The following CUL1 variants were observed in gnomAD, a reference collection of about 807,000 sequenced individuals.
CUL1 encodes the protein cullin-1.
Under a neutral mutation model 118.0 loss-of-function variants are expected in CUL1, and 24 were observed. The observed-to-expected ratio is 0.20, with a 90% CI of 0.15 to 0.29. CUL1 has a LOEUF of 0.29. Among genes scored for constraint, CUL1 ranks in the 10% least tolerant of loss-of-function variants. CUL1 has a pLI of 1.00. For missense variants in CUL1, 361 were observed against 933.8 expected (o/e 0.39, Z 7.99); for synonymous variants, 332 against 340.4 (o/e 0.98, Z 0.27).
At chr7:148,750,067 G>A (rs561794957) in intron 2 of CUL1, among the ~76,000 whole-genome samples, 3 of 152,350 alleles carry the variant, frequency 2.0e-5, no homozygotes, top group South Asian at 2.1e-4. Context: ...GCTGGGAGAA[G>A]TGAGGAAGCT....
At chr7:148,768,441 G>C (rs1396263020) in intron 9 of CUL1, among the ~76,000 whole-genome samples, 3 of 136,158 alleles carry the variant, frequency 2.2e-5, no homozygotes, top group Non-Finnish European at 4.6e-5. Context: ...CTGGAGTGCA[G>C]TTGTGCCATC....
intron 17 of CUL1, among the ~76,000 whole-genome samples, chr7:148,795,069 G>A (rs941322359): frequency 1.3e-5 from 2 of 152,124 alleles, no homozygotes; most frequent in Non-Finnish European, 2.9e-5. Flanking sequence ...CTGACCTCAA[G>A]TGATCTGCCT....
intron 9 of CUL1, 67 bp downstream of exon 9, chr7:148,767,816 T>C: frequency 1.2e-5 from 17 of 1,469,152 alleles, no homozygotes; most frequent in Non-Finnish European, 1.6e-5. Flanking sequence ...AAGCATATGT[T>C]ATGCGTCTCT....
chr7:148,708,073 A>T (rs142722729), intron 1 of CUL1, among the ~76,000 whole-genome samples: 207 of 152,210 alleles, frequency 1.4e-3, no homozygotes, highest in African/African-American at 4.6e-3. Context: ...GTTCCAGTTC[A>T]TCTTATCTTT....
chr7:148,735,710 C>T (rs1798915539), intron 2 of CUL1, among the ~76,000 whole-genome samples: 1 of 152,124 alleles, frequency 6.6e-6, no homozygotes, highest in African/African-American at 2.4e-5. Flanking sequence ...TCAAATGAAC[C>T]TAAACATAGA....
At chr7:148,784,199 A>C (rs535801980) in intron 11 of CUL1, 122 bp downstream of exon 11, 1 of 774,968 alleles carries the variant, frequency 1.3e-6, no homozygotes, top group South Asian at 1.7e-5. Context: ...CTTATGAGAA[A>C]AATGCTTAAA....
chr7:148,759,408 C>T (rs999977715), intron 5 of CUL1, 54 bp downstream of exon 5: 36 of 1,580,882 alleles, frequency 2.3e-5, no homozygotes, highest in Admixed American at 5.0e-5. Context: ...TTCGCAGTTT[C>T]GTTGCTTAGC....
chr7:148,722,563 G>A (rs1412414595), intron 1 of CUL1, among the ~76,000 whole-genome samples: 1 of 152,212 alleles, frequency 6.6e-6, no homozygotes, highest in Non-Finnish European at 1.5e-5. Context: ...CGGGTTGACA[G>A]CCGTAGACCC....
At chr7:148,795,769 CAAA>C (rs915978562) in intron 17 of CUL1, among the ~76,000 whole-genome samples, 10 of 56,080 alleles carry the variant, frequency 1.8e-4, no homozygotes, top group African/African-American at 3.2e-4. Flanking sequence ...GACTCTGTCT[CAAA>C]AAAAAAAAAA....
intron 21 of CUL1, among the ~76,000 whole-genome samples, chr7:148,799,980 C>G (rs1801332351): frequency 6.6e-6 from 1 of 152,168 alleles, no homozygotes; most frequent in South Asian, 2.1e-4. Flanking sequence ...CAGGACTTTC[C>G]TTTTCCTAAA....
At chr7:148,707,064 G>C (rs1797908130) in intron 1 of CUL1, among the ~76,000 whole-genome samples, 1 of 151,952 alleles carries the variant, frequency 6.6e-6, no homozygotes, top group Admixed American at 6.6e-5. Context: ...TATATTAAAA[G>C]GTCCACTCCT....
chr7:148,714,862 A>G (rs1231483978), intron 1 of CUL1, among the ~76,000 whole-genome samples: 2 of 152,100 alleles, frequency 1.3e-5, no homozygotes, highest in Admixed American at 6.5e-5. Context: ...AGTAAGTATC[A>G]TTGGTTGTAC....
intron 9 of CUL1, among the ~76,000 whole-genome samples, chr7:148,777,694 T>G (rs940552288): frequency 4.8e-4 from 73 of 152,202 alleles, no homozygotes; most frequent in African/African-American, 1.7e-3. Context: ...GCAACATTTT[T>G]GAATTTAGAC....
chr7:148,798,054 C>G, intron 19 of CUL1, 35 bp downstream of exon 19: 1 of 1,263,870 alleles, frequency 7.9e-7, no homozygotes, highest in Non-Finnish European at 1.1e-6. Context: ...GGCCCTTGAC[C>G]ATAGACACGT....
chr7:148,719,411 A>G (rs1798327759), intron 1 of CUL1, among the ~76,000 whole-genome samples: 1 of 152,174 alleles, frequency 6.6e-6, no homozygotes, highest in African/African-American at 2.4e-5. Context: ...AATTGTTTGA[A>G]TGAGAGTTTC....
intron 9 of CUL1, chr7:148,783,542 G>A: frequency 1.4e-6 from 2 of 1,393,192 alleles, no homozygotes; most frequent in South Asian, 1.4e-5. Flanking sequence ...ATGCAAGCTC[G>A]GAATCAATAT....
At chr7:148,737,700 AAGCAATTCTCATACCTC>A (rs1352540043) in intron 2 of CUL1, among the ~76,000 whole-genome samples, 1 of 151,784 alleles carries the variant, frequency 6.6e-6, no homozygotes, top group African/African-American at 2.4e-5. Context: ...TCCTGGGTTC[AAGCAATTCTCATACCTC>A]AGCCTCCCGA....
intron 1 of CUL1, among the ~76,000 whole-genome samples, chr7:148,699,368 G>A (rs1322596486): frequency 1.3e-5 from 2 of 152,062 alleles, no homozygotes; most frequent in East Asian, 3.9e-4. Flanking sequence ...TTTCCCCGCC[G>A]CGACCGGGCT....
rs1258705895 is a variant in CUL1, at chr7:148,783,649, T to G, written c.1084-134T>G. On this transcript the variant is annotated intron_variant, in intron 9 of 21. Coordinates refer to ENST00000325222, the MANE Select transcript of CUL1 (RefSeq NM_003592.3). The stretch of plus-strand genomic sequence containing the variant: ...CGATGGTACCAAAAGTATTTCTTGC[T>G]CTTATCTCTTAACTTTGAAAAGGTA... 3.9e-6 allele frequency: 6 copies of G among 1,547,516 alleles called. No homozygotes were observed. In the Admixed American group the frequency reaches 9.7e-5, roughly 25 times the overall value.
Sources: gnomAD v4.1 joint callset for allele counts (sites outside exome capture counted in the v4.1 genomes callset) on GRCh38, gnomAD v4.1.1 for gene constraint, MANE v1.5 for transcripts, NCBI Gene and HGNC (gene_info 2026-07-23, HGNC 2026-07-21) for gene names.